The following LRCH2 variants were observed in gnomAD, a reference collection of about 807,000 sequenced individuals.
LRCH2 encodes the protein leucine-rich repeat and calponin homology domain-containing protein 2.
Under a neutral mutation model 68.9 loss-of-function variants are expected in LRCH2, and 38 were observed. That is an observed-to-expected ratio of 0.55 (90% confidence interval 0.43 to 0.72). The LOEUF (loss-of-function observed/expected upper bound fraction) is 0.72, where lower values mean the gene tolerates loss of function less well. Ranked by LOEUF, LRCH2 falls within the 30% of genes least tolerant of loss-of-function variation. The pLI is 0.00. For missense variants in LRCH2, 528 were observed against 572.9 expected (o/e 0.92, Z 0.80); for synonymous variants, 191 against 208.1 (o/e 0.92, Z 0.71).
intron 1 of LRCH2, among the ~76,000 whole-genome samples, chrX:115,206,298 G>A (rs184788544): frequency 0.025 from 2,778 of 111,985 alleles, 44 homozygotes; most frequent in Non-Finnish European, 0.04. Flanking sequence ...ATCTTGCTGG[G>A]AACAGGCCCC....
chrX:115,138,838 C>G (rs2072312010), intron 14 of LRCH2, among the ~76,000 whole-genome samples: 1 of 111,989 alleles, frequency 8.9e-6, no homozygotes, highest in African/African-American at 3.2e-5. Flanking sequence ...AAAATACTCT[C>G]TAATTCCAAG....
chrX:115,188,438 A>G (rs1221470023), intron 1 of LRCH2, 68 bp from the exon 2 acceptor site: 2 of 769,281 alleles, frequency 2.6e-6, no homozygotes, highest in Admixed American at 9.0e-5. Context: ...CTATTTTCAC[A>G]CTTGCTGAAT....
chrX:115,157,840 T>C (rs1556540204), intron 11 of LRCH2, among the ~76,000 whole-genome samples: 2 of 110,041 alleles, frequency 1.8e-5, no homozygotes, highest in Non-Finnish European at 3.8e-5. Flanking sequence ...CAAACTACAA[T>C]GGCCTTCACT....
intron 12 of LRCH2, 44 bp from the exon 13 acceptor site, chrX:115,150,114 A>T: frequency 1.1e-6 from 1 of 893,480 alleles, no homozygotes; most frequent in South Asian, 2.8e-5. Flanking sequence ...TATTTAGAAT[A>T]AATCCTTAAA....
intron 12 of LRCH2, among the ~76,000 whole-genome samples, chrX:115,155,063 G>T (rs1215471528): frequency 1.2e-5 from 1 of 85,188 alleles, no homozygotes; most frequent in African/African-American, 4.7e-5. Context: ...AAAAAAAAAA[G>T]AGAGAGAGAG....
At position 115,193,157 on chromosome X, in the gene LRCH2, A is replaced by T. The variant is rs1005667785; in HGVS notation, c.350-4787T>A. ...ACAACCAGCAACAACAACAACAAAA[A>T]TGATTTAGATCAAATGTTTATGAAA... On this transcript the variant is annotated intron_variant, in intron 1 of 20. Transcript: ENST00000317135. Among the ~76,000 whole-genome samples, 8 of 111,588 alleles carry T rather than the reference A, an allele frequency of 7.2e-5. No homozygotes were observed. In the Admixed American group the frequency reaches 7.6e-4, roughly 11 times the overall value.
At chrX:115,192,481 G>A in intron 1 of LRCH2, 1 of 1,170,922 alleles carries the variant, frequency 8.5e-7, no homozygotes, top group Non-Finnish European at 1.1e-6. Flanking sequence ...CTACTCGAGG[G>A]GTCGAGACCG....
intron 3 of LRCH2, among the ~76,000 whole-genome samples, chrX:115,184,133 G>A (rs1213903806): frequency 8.9e-6 from 1 of 111,954 alleles, no homozygotes; most frequent in African/African-American, 3.2e-5. Context: ...TCCACAAAAT[G>A]AGTAAACAAA....
chrX:115,130,472 C>T (rs782134449), intron 14 of LRCH2, among the ~76,000 whole-genome samples: 1 of 111,633 alleles, frequency 9.0e-6, no homozygotes, highest in Admixed American at 9.6e-5. Flanking sequence ...GGTGTGCAAT[C>T]TGAGGGTTGT....
chrX:115,212,883 G>A, intron 1 of LRCH2, among the ~76,000 whole-genome samples: 1 of 109,848 alleles, frequency 9.1e-6, no homozygotes, highest in Middle Eastern at 4.7e-3. Flanking sequence ...GAGGCAGGAG[G>A]ATCACCTGAG....
intron 15 of LRCH2, among the ~76,000 whole-genome samples, chrX:115,129,904 A>G (rs1417586557): frequency 9.9e-5 from 11 of 111,670 alleles, no homozygotes; most frequent in African/African-American, 3.6e-4. Flanking sequence ...CACATATGAC[A>G]GGTCTAAGAC....
intron 11 of LRCH2, among the ~76,000 whole-genome samples, chrX:115,159,444 G>A (rs1390485581): frequency 1.8e-5 from 2 of 109,466 alleles, no homozygotes; most frequent in African/African-American, 3.3e-5. Context: ...GATAAAGACT[G>A]TTTATCAATT....
intron 5 of LRCH2, among the ~76,000 whole-genome samples, chrX:115,178,211 G>A (rs1215697368): frequency 2.7e-5 from 3 of 111,821 alleles, no homozygotes; most frequent in Non-Finnish European, 5.6e-5. Flanking sequence ...TGCAAGTAAG[G>A]AATGGTCTGT....
At chrX:115,145,933 C>T (rs2072378823) in intron 14 of LRCH2, among the ~76,000 whole-genome samples, 2 of 112,155 alleles carry the variant, frequency 1.8e-5, no homozygotes, top group South Asian at 7.5e-4. Context: ...AATCCTACTG[C>T]TGGGTATATA....
chrX:115,202,232 G>A (rs2072935608), intron 1 of LRCH2, among the ~76,000 whole-genome samples: 1 of 111,516 alleles, frequency 9.0e-6, no homozygotes, highest in East Asian at 2.8e-4. Flanking sequence ...TAGAACTGAA[G>A]GTCATTATCT....
intron 1 of LRCH2, among the ~76,000 whole-genome samples, chrX:115,197,845 T>TCACA (rs1298411202): frequency 7.0e-5 from 2 of 28,634 alleles, no homozygotes; most frequent in Non-Finnish European, 1.4e-4. Flanking sequence ...TCTCTCTCTC[T>TCACA]CTCACACACA....
At chrX:115,193,908 C>T (rs1443848972) in intron 1 of LRCH2, among the ~76,000 whole-genome samples, 1 of 111,529 alleles carries the variant, frequency 9.0e-6, no homozygotes, top group Non-Finnish European at 1.9e-5. Flanking sequence ...CTCACACTAG[C>T]TCATACTTAT....
At chrX:115,217,687 G>A (rs960671927) in intron 1 of LRCH2, among the ~76,000 whole-genome samples, 3 of 111,772 alleles carry the variant, frequency 2.7e-5, no homozygotes, top group Non-Finnish European at 3.8e-5. Context: ...TGCAATAAAC[G>A]TACGTGTGCA....
chrX:115,186,841 CAG>C (rs1556554649), intron 2 of LRCH2, among the ~76,000 whole-genome samples: 4 of 74,064 alleles, frequency 5.4e-5, no homozygotes. Flanking sequence ...TTTTTTGAGA[CAG>C]AGTCTTACTC....
Sources: allele counts gnomAD v4.1 joint callset (sites outside exome capture counted in the v4.1 genomes callset), GRCh38; gene constraint gnomAD v4.1.1; transcripts MANE v1.5; gene names NCBI Gene and HGNC (gene_info 2026-07-23, HGNC 2026-07-21).